Variants in MED12L observed in about 807,000 individuals in gnomAD.
The protein encoded by MED12L is mediator of RNA polymerase II transcription subunit 12-like protein.
Under a neutral mutation model 281.3 loss-of-function variants are expected in MED12L, and 60 were observed. The observed-to-expected ratio is 0.21, with a 90% CI of 0.17 to 0.26. MED12L has a LOEUF of 0.26. Among genes scored for constraint, MED12L ranks in the 10% least tolerant of loss-of-function variants. The pLI is 1.00. For synonymous variants in MED12L, 974 were observed against 987.2 expected, an observed-to-expected ratio of 0.99 and a Z score of 0.25; for missense variants, 2,146 against 2,680.9, an observed-to-expected ratio of 0.80 and a Z score of 4.41.
rs186075868 is a variant in MED12L, at chr3:151,309,326, G to A, written c.2251-40733G>A. On this transcript the variant is annotated intron_variant, in intron 16 of 44. Coordinates refer to ENST00000687756, the MANE Select transcript of MED12L (RefSeq NM_001393769.1). ...CCTCAACTAGGAGAAATAGTAACCT[G>A]TATATTTGTATTATCTTAATATTTG... 1.4e-3 allele frequency among the ~76,000 whole-genome samples: 220 copies of A among 152,242 alleles called. 2 individuals are homozygous for A. The highest frequency in any genetic ancestry group is 4.6e-3 in the African/African-American group (193 of 41,536).
chr3:151,199,163 A>G (rs1176449292), intron 16 of MED12L: 2 of 1,614,074 alleles, frequency 1.2e-6, no homozygotes, highest in African/African-American at 2.7e-5. Context: ...TGCCACACCC[A>G]AGTCAACAAC....
chr3:151,118,558 T>TA (rs1713226887), intron 3 of MED12L, among the ~76,000 whole-genome samples: 1 of 152,210 alleles, frequency 6.6e-6, no homozygotes, highest in South Asian at 2.1e-4. Flanking sequence ...ATTTACCATT[T>TA]AACCATTTTT....
chr3:151,134,613 G>A (rs908666186), intron 5 of MED12L, among the ~76,000 whole-genome samples: 1 of 152,166 alleles, frequency 6.6e-6, no homozygotes, highest in Non-Finnish European at 1.5e-5. Flanking sequence ...AAATACAGAG[G>A]AAGTCTTAAG....
At position 151,399,016 on chromosome 3, in the gene MED12L, G is replaced by A. The variant is rs1179362272; in HGVS notation, c.5820+4149G>A. 2.7e-5 allele frequency among the ~76,000 whole-genome samples: 4 copies of A among 149,644 alleles called. No homozygotes were observed. In the East Asian group the frequency reaches 7.8e-4, roughly 29 times the overall value. On this transcript the variant is annotated intron_variant, in intron 39 of 44. Transcript: ENST00000687756. Reference sequence around the variant, plus strand: ...TTTTCTGCAGGTAACTGAAACTGTGGGAAGTGAAACCGCAGAGAAGTGGCG... The same window carrying A: ...TTTTCTGCAGGTAACTGAAACTGTGAGAAGTGAAACCGCAGAGAAGTGGCG...
At chr3:151,291,150 G>GTTTTTTTTTTTTTTTTTTTT (rs59482240) in intron 16 of MED12L, among the ~76,000 whole-genome samples, 1 of 127,554 alleles carries the variant, frequency 7.8e-6, no homozygotes, top group African/African-American at 2.8e-5. Context: ...CTTGTTTTCT[G>GTTTTTTTTTTTTTTTTTTTT]TTTTTTTTTT....
intron 16 of MED12L, among the ~76,000 whole-genome samples, chr3:151,220,267 T>G (rs940194254): frequency 6.6e-6 from 1 of 151,854 alleles, no homozygotes; most frequent in African/African-American, 2.4e-5. Context: ...AGATAACACC[T>G]GAAAGCCATG....
Position 151,391,965 on chromosome 3 carries a change from C to T in MED12L, c.5608+1830C>T, listed in dbSNP as rs145086375. The stretch of plus-strand genomic sequence containing the variant: ...ACTTCCTCTTTTTAATGCCACGGTC[C>T]ATGTGAATTTTTAGCCATTTTAAAC... On this transcript the variant is annotated intron_variant, in intron 38 of 44. Transcript: ENST00000687756. Among the ~76,000 whole-genome samples, 211 of 152,186 alleles carry T rather than the reference C, an allele frequency of 1.4e-3. 1 individual carries two copies. Among genetic ancestry groups the T allele is most frequent in the Non-Finnish European group, 2.0e-3 (139 of 67,998 alleles).
At chr3:151,393,163 A>G (rs1012446383) in intron 38 of MED12L, among the ~76,000 whole-genome samples, 1 of 152,180 alleles carries the variant, frequency 6.6e-6, no homozygotes, top group African/African-American at 2.4e-5. Flanking sequence ...TGCCTGGGAG[A>G]AAGGAACACA....
intron 16 of MED12L, among the ~76,000 whole-genome samples, chr3:151,340,121 G>A (rs530246448): frequency 3.3e-5 from 5 of 152,084 alleles, no homozygotes; most frequent in East Asian, 1.9e-4. Context: ...CCTATTTAGC[G>A]CTTTAAAATA....
chr3:151,286,374 T>C (rs983817535), intron 16 of MED12L, among the ~76,000 whole-genome samples: 11 of 151,072 alleles, frequency 7.3e-5, no homozygotes, highest in African/African-American at 2.7e-4. Context: ...GAATTTAAAT[T>C]ATTTATTCCT....
At chr3:151,232,772 G>A (rs1287275607) in intron 16 of MED12L, among the ~76,000 whole-genome samples, 1 of 152,114 alleles carries the variant, frequency 6.6e-6, no homozygotes, top group East Asian at 1.9e-4. Context: ...AGTAGACACT[G>A]AGGCTTACTT....
At chr3:151,328,489 C>T (rs933072471) in intron 16 of MED12L, 19 of 1,613,814 alleles carry the variant, frequency 1.2e-5, no homozygotes, top group African/African-American at 9.3e-5. Flanking sequence ...TTTTCACAGA[C>T]GATGGTGTTG....
At chr3:151,162,118 A>T (rs1385104869) in intron 8 of MED12L, among the ~76,000 whole-genome samples, 1 of 152,188 alleles carries the variant, frequency 6.6e-6, no homozygotes, top group South Asian at 2.1e-4. Context: ...TTTGATGGGC[A>T]GATTTGAATG....
In MED12L at chr3:151,146,088, G is replaced by T. The variant is rs545906955; in HGVS notation, c.557-10073G>T. On this transcript the variant is annotated intron_variant, in intron 5 of 44. Transcript: ENST00000687756. ...ATAGCTTGCCACTGCCTGGGTCAGA[G>T]TCCTCCAGGCTGCTGATTAAAAAAG... Among the ~76,000 whole-genome samples, 6 of 152,332 alleles carry T rather than the reference G, an allele frequency of 3.9e-5. No individual in the cohort carries two copies. The South Asian group carries it at 1.0e-3, about 26-fold the overall frequency.
At chr3:151,326,208 G>C (rs529883762) in intron 16 of MED12L, 1 of 152,680 alleles carries the variant, frequency 6.5e-6, no homozygotes, top group South Asian at 2.1e-4. Flanking sequence ...GACAGAGCTT[G>C]AGCTTTCATT....
At chr3:151,371,402 T>G (rs1156363190) in intron 26 of MED12L, among the ~76,000 whole-genome samples, 2 of 152,258 alleles carry the variant, frequency 1.3e-5, no homozygotes, top group Non-Finnish European at 1.5e-5. Context: ...GCTCCTGAAG[T>G]GATCTATTAA....
chr3:151,384,446 T>G (rs1274631403), intron 35 of MED12L, among the ~76,000 whole-genome samples: 1 of 152,248 alleles, frequency 6.6e-6, no homozygotes, highest in Non-Finnish European at 1.5e-5. Context: ...GTTTAATTTT[T>G]TAAAGAACTT....
chr3:151,276,913 T>G (rs1266991343), intron 16 of MED12L, among the ~76,000 whole-genome samples: 1 of 152,168 alleles, frequency 6.6e-6, no homozygotes, highest in Admixed American at 6.5e-5. Context: ...GTTTTTGTTT[T>G]TGAGACAGGG....
At chr3:151,246,059 A>G (rs1296112099) in intron 16 of MED12L, among the ~76,000 whole-genome samples, 1 of 151,812 alleles carries the variant, frequency 6.6e-6, no homozygotes, top group Non-Finnish European at 1.5e-5. Flanking sequence ...AATCCAACTT[A>G]CAAGGGATGT....
Sources: gnomAD v4.1 joint callset for allele counts (sites outside exome capture counted in the v4.1 genomes callset) on GRCh38, gnomAD v4.1.1 for gene constraint, MANE v1.5 for transcripts, NCBI Gene and HGNC (gene_info 2026-07-23, HGNC 2026-07-21) for gene names.